The following KCNK2 variants were observed in gnomAD, a reference collection of about 807,000 sequenced individuals.
KCNK2 encodes the protein potassium two pore domain channel subfamily K member 2.
KCNK2 carries 21 observed loss-of-function variants against 40.5 expected under a neutral mutation model. The ratio of observed to expected loss-of-function variants is 0.52; its 90% CI spans 0.37 to 0.75. The LOEUF is 0.75. Among genes scored for constraint, KCNK2 ranks in the 30% least tolerant of loss-of-function variants. The probability of loss-of-function intolerance (pLI) is 0.00; values close to 1 mark genes in which losing one functional copy is unlikely to be tolerated. For missense variants in KCNK2, 399 were observed against 531.6 expected, an observed-to-expected ratio of 0.75 and a Z score of 2.45; for synonymous variants, 191 against 202.2, an observed-to-expected ratio of 0.94 and a Z score of 0.47.
chr1:215,089,033 T>G (rs1401721071), intron 2 of KCNK2, among the ~76,000 whole-genome samples: 1 of 152,234 alleles, frequency 6.6e-6, no homozygotes, highest in Non-Finnish European at 1.5e-5. Flanking sequence ...TGCCATGACT[T>G]CAAGGATCAA....
intron 6 of KCNK2, among the ~76,000 whole-genome samples, chr1:215,202,575 A>G (rs1160751403): frequency 6.6e-6 from 1 of 152,186 alleles, no homozygotes; most frequent in Non-Finnish European, 1.5e-5. Context: ...CCTCAGTATT[A>G]TGTTGCATGT....
chr1:215,020,951 T>A (rs550543279), intron 1 of KCNK2, among the ~76,000 whole-genome samples: 1 of 152,204 alleles, frequency 6.6e-6, no homozygotes, highest in African/African-American at 2.4e-5. Context: ...ACCTCTAATC[T>A]TCTAGTATAA....
At chr1:215,083,733 C>T in intron 1 of KCNK2, 1 of 497,728 alleles carries the variant, frequency 2.0e-6, no homozygotes. Flanking sequence ...GAGTAGCCGG[C>T]AGGCAGGACT....
intron 1 of KCNK2, among the ~76,000 whole-genome samples, chr1:215,050,251 T>C (rs1341001464): frequency 6.6e-6 from 1 of 152,172 alleles, no homozygotes; most frequent in African/African-American, 2.4e-5. Flanking sequence ...TTTGGAGTAA[T>C]CATAAATGGT....
At chr1:215,017,804 C>T (rs1656644225) in intron 1 of KCNK2, among the ~76,000 whole-genome samples, 1 of 152,072 alleles carries the variant, frequency 6.6e-6, no homozygotes, top group Non-Finnish European at 1.5e-5. Context: ...TGTATACATA[C>T]ATCAAAACAT....
chr1:215,080,575 C>T (rs982502070), upstream of KCNK2, among the ~76,000 whole-genome samples: 6 of 149,252 alleles, frequency 4.0e-5, no homozygotes, highest in South Asian at 2.1e-4. Flanking sequence ...TTATCAAACA[C>T]GTATTTAGCA....
chr1:215,230,775 C>A (rs10864166), intron 6 of KCNK2, among the ~76,000 whole-genome samples: 80,499 of 151,066 alleles, frequency 0.53, 22,268 homozygotes, highest in East Asian at 0.61. Flanking sequence ...CCACCTGTCC[C>A]ACCCCATTTC....
chr1:215,083,191 C>G lies in KCNK2; in HGVS notation c.-195C>G. ...CTTCCCGCGATTTCGTTTCTTCTCA[C>G]GCTCCCCCCCCCGCCCCCTCCCGCG... On this transcript the variant is annotated 5_prime_UTR_variant, in exon 1 of 7. Coordinates refer to ENST00000444842, the MANE Select transcript of KCNK2 (RefSeq NM_001017425.3). The G allele has an allele frequency of 1.0e-6, 1 of 983,844 alleles. No individual in the cohort carries two copies. Among genetic ancestry groups the G allele is most frequent in the South Asian group, 1.4e-5 (1 of 73,292 alleles). 60.9% of individuals were successfully genotyped at this position (983,844 alleles called of 1,614,324 possible).
chr1:215,191,989 G>T (rs1186846786), intron 5 of KCNK2, among the ~76,000 whole-genome samples: 1 of 152,148 alleles, frequency 6.6e-6, no homozygotes, highest in African/African-American at 2.4e-5. Flanking sequence ...TTCTTAGTAA[G>T]CCAGAGACAA....
intron 2 of KCNK2, among the ~76,000 whole-genome samples, chr1:215,088,703 T>G (rs1344789582): frequency 6.6e-6 from 1 of 152,194 alleles, no homozygotes. Context: ...AACTTGAAGG[T>G]CATGGCAGGT....
chr1:215,234,715 A>G, intron 6 of KCNK2, 113 bp from the exon 7 acceptor site: 1 of 980,188 alleles, frequency 1.0e-6, no homozygotes, highest in Non-Finnish European at 1.5e-6. Flanking sequence ...GCTGTAAAAG[A>G]CTACTCCACT....
intron 3 of KCNK2, among the ~76,000 whole-genome samples, chr1:215,163,468 G>A (rs1663300401): frequency 6.6e-6 from 1 of 152,116 alleles, no homozygotes; most frequent in Non-Finnish European, 1.5e-5. Flanking sequence ...GAATAGGAGT[G>A]GTGAGAGAGG....
intron 6 of KCNK2, among the ~76,000 whole-genome samples, chr1:215,227,487 A>G (rs1666430748): frequency 6.6e-6 from 1 of 152,166 alleles, no homozygotes; most frequent in African/African-American, 2.4e-5. Flanking sequence ...GGAGTTTGAG[A>G]GGGATGGTAA....
chr1:215,219,516 T>A (rs6704324), intron 6 of KCNK2, among the ~76,000 whole-genome samples: 3,367 of 152,268 alleles, frequency 0.022, 120 homozygotes, highest in African/African-American at 0.077. Context: ...AACATAAGGC[T>A]AAATAGCACA....
chr1:215,148,628 T>C (rs1662547476), intron 3 of KCNK2, among the ~76,000 whole-genome samples: 1 of 152,046 alleles, frequency 6.6e-6, no homozygotes, highest in South Asian at 2.1e-4. Context: ...GAAAGAAAAA[T>C]AATTCCCAGA....
upstream of KCNK2, among the ~76,000 whole-genome samples, chr1:215,080,338 C>T (rs181790218): frequency 6.6e-5 from 10 of 151,810 alleles, no homozygotes; most frequent in South Asian, 4.2e-4. Context: ...AATCGAATTG[C>T]GAACAAAATG....
chr1:215,044,802 T>G (rs1657691499), intron 1 of KCNK2, among the ~76,000 whole-genome samples: 1 of 47,106 alleles, frequency 2.1e-5, no homozygotes, highest in South Asian at 8.8e-4. Context: ...TGTATGTGTG[T>G]GTGTGTGTGT....
chr1:215,166,076 G>T (rs1208127277), intron 3 of KCNK2, among the ~76,000 whole-genome samples: 1 of 152,124 alleles, frequency 6.6e-6, no homozygotes, highest in African/African-American at 2.4e-5. Context: ...CATCTTAAAA[G>T]ATTTCAGTAA....
At chr1:215,128,607 A>C (rs537685153) in intron 3 of KCNK2, among the ~76,000 whole-genome samples, 1 of 151,382 alleles carries the variant, frequency 6.6e-6, no homozygotes, top group South Asian at 2.1e-4. Context: ...TGGAACTGAA[A>C]GGAAAGGCTT....
Sources: allele counts gnomAD v4.1 joint callset (sites outside exome capture counted in the v4.1 genomes callset), GRCh38; gene constraint gnomAD v4.1.1; transcripts MANE v1.5; gene names NCBI Gene and HGNC (gene_info 2026-07-23, HGNC 2026-07-21).